APLF: variants seen among roughly 807,000 people sequenced by gnomAD.
The protein encoded by APLF is aprataxin and PNKP like factor, also known as aprataxin and PNK-like factor.
Under a neutral mutation model 55.6 loss-of-function variants are expected in APLF, and 61 were observed. The ratio of observed to expected loss-of-function variants is 1.10; its 90% CI spans 0.89 to 1.36. The LOEUF (loss-of-function observed/expected upper bound fraction) is 1.36. APLF is among the 40% of genes most tolerant of loss of function. APLF has a pLI of 0.00. For synonymous variants in APLF, 207 were observed against 214.8 expected (o/e 0.96, Z 0.32); for missense variants, 611 against 602.5 (o/e 1.01, Z -0.15).
intron 2 of APLF, among the ~76,000 whole-genome samples, chr2:68,495,195 C>T (rs1676502339): frequency 6.6e-6 from 1 of 152,196 alleles, no homozygotes; most frequent in African/African-American, 2.4e-5. Flanking sequence ...CCCAATAATT[C>T]TCCAAAGTCT....
chr2:68,563,450 G>C (rs1671218518), intron 8 of APLF: 2 of 773,654 alleles, frequency 2.6e-6, no homozygotes, highest in South Asian at 1.2e-4. Flanking sequence ...GTGCAACTGG[G>C]AATGTTTTCC....
intron 5 of APLF, among the ~76,000 whole-genome samples, chr2:68,520,472 A>T (rs1275889957): frequency 6.6e-6 from 1 of 152,096 alleles, no homozygotes; most frequent in Non-Finnish European, 1.5e-5. Flanking sequence ...TCTTTAATCC[A>T]TACTGAGTTG....
At chr2:68,525,015 T>G (rs1239409142) in intron 5 of APLF, among the ~76,000 whole-genome samples, 1 of 152,198 alleles carries the variant, frequency 6.6e-6, no homozygotes, top group African/African-American at 2.4e-5. Flanking sequence ...CTCTCCTGTT[T>G]GGGTTATTTT....
chr2:68,572,573 T>C (rs1671498990), intron 9 of APLF, among the ~76,000 whole-genome samples: 1 of 152,222 alleles, frequency 6.6e-6, no homozygotes, highest in Non-Finnish European at 1.5e-5. Flanking sequence ...TGGTGGCTCA[T>C]GCCTATAATC....
At chr2:68,474,134 T>C (rs1429524387) in intron 1 of APLF, among the ~76,000 whole-genome samples, 1 of 152,210 alleles carries the variant, frequency 6.6e-6, no homozygotes, top group African/African-American at 2.4e-5. Flanking sequence ...GGGTAAGCTA[T>C]GGGAAGGGAT....
Position 68,579,616 on chromosome 2 carries a change from A to T in APLF, c.*1594A>T, listed in dbSNP as rs1160759199. 6.2e-6 allele frequency: 1 copy of T among 161,408 alleles called. No homozygotes were observed. The allele number at this position is 161,408 out of a possible 1,614,324, so 10.0% of individuals were successfully genotyped here. ...GTGCAATGGAATATTATTTGGTCAT[A>T]AAAAGGAATAAAGTACTGATACATG... On this transcript the variant is annotated 3_prime_UTR_variant, in exon 10 of 10. Coordinates refer to ENST00000303795, the MANE Select transcript of APLF (RefSeq NM_173545.3).
At chr2:68,488,619 A>G (rs1159771852) in intron 1 of APLF, among the ~76,000 whole-genome samples, 1 of 151,940 alleles carries the variant, frequency 6.6e-6, no homozygotes, top group Non-Finnish European at 1.5e-5. Flanking sequence ...TGCAGCCACC[A>G]CACCCTGCCT....
At chr2:68,540,476 A>G (rs1399507107) in intron 7 of APLF, among the ~76,000 whole-genome samples, 5 of 152,112 alleles carry the variant, frequency 3.3e-5, no homozygotes, top group African/African-American at 9.7e-5. Context: ...AACATACATT[A>G]GCATGTATCT....
At position 68,566,977 on chromosome 2, in the gene APLF, C is replaced by T. The variant is rs1289986873; in HGVS notation, c.1287-364C>T. 2.6e-5 allele frequency among the ~76,000 whole-genome samples: 4 copies of T among 151,936 alleles called. No homozygotes were observed. In the East Asian group the frequency reaches 7.7e-4, roughly 29 times the overall value. On this transcript the variant is annotated intron_variant, in intron 8 of 9. Coordinates refer to ENST00000303795, the MANE Select transcript of APLF (RefSeq NM_173545.3). Reference sequence around the variant, plus strand: ...ACTGTAGGCACATATGTACTTAATACATATTTGATATTTGTGTCATAGTTT... The same window carrying T: ...ACTGTAGGCACATATGTACTTAATATATATTTGATATTTGTGTCATAGTTT...
chr2:68,544,381 G>A (rs932151487), intron 7 of APLF, among the ~76,000 whole-genome samples: 1 of 152,160 alleles, frequency 6.6e-6, no homozygotes, highest in Admixed American at 6.6e-5. Context: ...GAGGCCACAA[G>A]TTATGTGTTG....
At chr2:68,519,666 A>T (rs998695682) in intron 5 of APLF, among the ~76,000 whole-genome samples, 1 of 150,128 alleles carries the variant, frequency 6.7e-6, no homozygotes, top group Non-Finnish European at 1.5e-5. Flanking sequence ...GAAGTAATAT[A>T]TATAAATATA....
At chr2:68,545,676 A>G (rs148903889) in intron 8 of APLF, among the ~76,000 whole-genome samples, 2,197 of 152,188 alleles carry the variant, frequency 0.014, 37 homozygotes, top group South Asian at 0.039. Flanking sequence ...TGCTTCCTCA[A>G]CTTTTACTAC....
chr2:68,507,924 A>G (rs1043625933), intron 3 of APLF, among the ~76,000 whole-genome samples: 1 of 151,826 alleles, frequency 6.6e-6, no homozygotes, highest in African/African-American at 2.4e-5. Context: ...TAGATTCCAT[A>G]TAAATAACTA....
Position 68,538,158 on chromosome 2 carries a change from C to G in APLF, c.1091C>G (p.Ser364Ter). The change falls in exon 7 of 10, where the codon TCA (serine) becomes TGA (stop). Residue 364 changes from serine to a stop codon, truncating the protein, a stop_gained. Transcript: ENST00000303795. LOFTEE classifies it high-confidence loss of function. ...ACTTTGCATGCAAAGGCAACTGATTCAGTTCTACAAGGTTCTGAAGGAAAC... is the reference window on the plus strand; with the variant it reads ...ACTTTGCATGCAAAGGCAACTGATTGAGTTCTACAAGGTTCTGAAGGAAAC... ...PETLHAKATDSVLQGSEGNKV... is the reference protein window; with the variant it reads ...PETLHAKATD 1 of 1,614,088 alleles carries G rather than the reference C, an allele frequency of 6.2e-7. No individual in the cohort carries two copies. Among genetic ancestry groups the G allele is most frequent in the South Asian group, 1.1e-5 (1 of 91,070 alleles).
chr2:68,576,301 A>T lies in APLF; in HGVS notation c.1334-1519A>T, dbSNP rs1259637536. 2.0e-5 allele frequency among the ~76,000 whole-genome samples: 3 copies of T among 152,144 alleles called. No homozygotes were observed. In the East Asian group the frequency reaches 5.8e-4, roughly 29 times the overall value. ...GACTGCAAACTGCCTTCCAATTTTT[A>T]AAAAATGCATTTTATTATTTTAAAA... is the stretch of plus-strand genomic sequence containing the variant. On this transcript the variant is annotated intron_variant, in intron 9 of 9. Transcript: ENST00000303795.
chr2:68,470,979 G>A (rs780429991), intron 1 of APLF, among the ~76,000 whole-genome samples: 17 of 152,188 alleles, frequency 1.1e-4, no homozygotes, highest in Non-Finnish European at 2.9e-5. Context: ...GCTTGTTGCA[G>A]AATCCTGGCT....
At chr2:68,497,218 G>C (rs1049973244) in intron 2 of APLF, among the ~76,000 whole-genome samples, 1 of 152,138 alleles carries the variant, frequency 6.6e-6, no homozygotes, top group African/African-American at 2.4e-5. Context: ...AGGGAAACCA[G>C]TACATCACAT....
intron 1 of APLF, among the ~76,000 whole-genome samples, chr2:68,485,718 C>G (rs777165752): frequency 7.2e-5 from 11 of 151,856 alleles, no homozygotes; most frequent in Non-Finnish European, 1.3e-4. Flanking sequence ...AGAAATGCAT[C>G]TCTCCCAGCC....
intron 5 of APLF, among the ~76,000 whole-genome samples, chr2:68,519,039 T>C (rs1244125412): frequency 8.5e-6 from 1 of 117,800 alleles, no homozygotes; most frequent in African/African-American, 3.9e-5. Flanking sequence ...ATGATTAATA[T>C]ATAATAATAT....
Sources: gnomAD v4.1 joint callset for allele counts (sites outside exome capture counted in the v4.1 genomes callset) on GRCh38, gnomAD v4.1.1 for gene constraint, MANE v1.5 for transcripts, NCBI Gene and HGNC (gene_info 2026-07-23, HGNC 2026-07-21) for gene names.